KCNIP4: variants seen among roughly 807,000 people sequenced by gnomAD.
KCNIP4 encodes the protein potassium voltage-gated channel interacting protein 4, also known as Kv channel-interacting protein 4.
In KCNIP4, 12 loss-of-function variants were observed where a neutral mutation model predicts 34.0. The ratio of observed to expected loss-of-function variants is 0.35; its 90% CI spans 0.23 to 0.57. The LOEUF (loss-of-function observed/expected upper bound fraction) is 0.57. Among genes scored for constraint, KCNIP4 ranks in the 20% least tolerant of loss-of-function variants. The pLI is 0.83. For missense variants in KCNIP4, 238 were observed against 311.7 expected (o/e 0.76, Z 1.78); for synonymous variants, 124 against 102.2 (o/e 1.21, Z -1.29).
At chr4:20,909,426 C>T (rs1409210575) in intron 1 of KCNIP4, among the ~76,000 whole-genome samples, 1 of 152,094 alleles carries the variant, frequency 6.6e-6, no homozygotes, top group African/African-American at 2.4e-5. Context: ...CCCATGACCC[C>T]AGCATCTTGA....
At chr4:20,782,508 G>T (rs372397151) in intron 3 of KCNIP4, among the ~76,000 whole-genome samples, 3 of 152,058 alleles carry the variant, frequency 2.0e-5, no homozygotes, top group Non-Finnish European at 4.4e-5. Context: ...CTTGTCTTCT[G>T]TGCAGGCTCA....
chr4:21,398,961 C>T (rs1723239233), intron 1 of KCNIP4, among the ~76,000 whole-genome samples: 1 of 152,178 alleles, frequency 6.6e-6, no homozygotes, highest in Non-Finnish European at 1.5e-5. Context: ...GGAATTAATG[C>T]CTACAATGAC....
At chr4:21,472,704 G>A (rs144705097) in intron 1 of KCNIP4, among the ~76,000 whole-genome samples, 1,587 of 152,210 alleles carry the variant, frequency 0.01, 16 homozygotes, top group Middle Eastern at 0.024. Context: ...CGCAGTTCAG[G>A]TTATCGGTAA....
chr4:20,934,399 T>C lies in KCNIP4; in HGVS notation c.62-51690A>G, dbSNP rs559371441. Among the ~76,000 whole-genome samples the C allele has an allele frequency of 2.6e-5, 4 of 152,352 alleles. No individual in the cohort carries two copies. In the South Asian group the frequency reaches 8.3e-4, roughly 32 times the overall value. On this transcript the variant is annotated intron_variant, in intron 1 of 8. Coordinates refer to ENST00000382152, the MANE Select transcript of KCNIP4 (RefSeq NM_025221.6). ...CAATTTACTAGATCATTCCACATCA[T>C]GTGCCACTGGAGACTATTCTTCCTT...
At chr4:20,785,072 A>G (rs1177561908) in intron 3 of KCNIP4, among the ~76,000 whole-genome samples, 1 of 152,118 alleles carries the variant, frequency 6.6e-6, no homozygotes, top group Non-Finnish European at 1.5e-5. Flanking sequence ...AATAGAGAGG[A>G]AACACTGTTG....
At chr4:21,114,914 G>A (rs1749561750) in intron 1 of KCNIP4, among the ~76,000 whole-genome samples, 1 of 152,030 alleles carries the variant, frequency 6.6e-6, no homozygotes, top group African/African-American at 2.4e-5. Context: ...AAACACCAAT[G>A]ATTTTATATC....
intron 1 of KCNIP4, among the ~76,000 whole-genome samples, chr4:21,340,879 T>C (rs1303495824): frequency 6.6e-6 from 1 of 152,102 alleles, no homozygotes; most frequent in Non-Finnish European, 1.5e-5. Context: ...TCTATGTGCA[T>C]AGGGCAGATA....
chr4:21,860,130 T>C (rs1407130539), intron 1 of KCNIP4, among the ~76,000 whole-genome samples: 1 of 152,058 alleles, frequency 6.6e-6, no homozygotes, highest in Non-Finnish European at 1.5e-5. Flanking sequence ...TGTCAATAAT[T>C]TTTGTTTTGT....
At chr4:21,355,302 A>G (rs1420001655) in intron 1 of KCNIP4, among the ~76,000 whole-genome samples, 1 of 152,198 alleles carries the variant, frequency 6.6e-6, no homozygotes, top group Non-Finnish European at 1.5e-5. Flanking sequence ...AACTAAGATG[A>G]GAGCAGAACT....
In KCNIP4 at chr4:20,849,860, T is replaced by C. The variant is rs141795240; in HGVS notation, c.288+683A>G. ...CTTAAGGATAGAAGTGTATCTTCTC[T>C]GGCTTTTGAATAACCTGCAGCATCT... On this transcript the variant is annotated intron_variant, in intron 3 of 8. Coordinates refer to ENST00000382152, the MANE Select transcript of KCNIP4 (RefSeq NM_025221.6). Among the ~76,000 whole-genome samples the C allele has an allele frequency of 3.4e-3, 515 of 152,338 alleles. 4 individuals are homozygous for C. Among genetic ancestry groups the C allele is most frequent in the Admixed American group, 7.3e-3 (112 of 15,292 alleles).
chr4:20,981,176 T>C (rs1380673734), intron 1 of KCNIP4, among the ~76,000 whole-genome samples: 1 of 152,166 alleles, frequency 6.6e-6, no homozygotes, highest in Non-Finnish European at 1.5e-5. Flanking sequence ...GTAAGTCACA[T>C]TTGGTCAAAA....
intron 1 of KCNIP4, among the ~76,000 whole-genome samples, chr4:21,596,924 G>A (rs1446407491): frequency 6.6e-6 from 1 of 152,112 alleles, no homozygotes; most frequent in Non-Finnish European, 1.5e-5. Flanking sequence ...AGGAGATGGA[G>A]AGCCAGTGGA....
At chr4:21,166,938 CAAAAAAAAAAA>C (rs55649635) in intron 1 of KCNIP4, among the ~76,000 whole-genome samples, 190 of 37,562 alleles carry the variant, frequency 5.1e-3, no homozygotes, top group African/African-American at 0.019. Flanking sequence ...CACTCCATCT[CAAAAAAAAAAA>C]AAAAAAAAAA....
intron 1 of KCNIP4, among the ~76,000 whole-genome samples, chr4:21,123,530 C>T (rs1750349661): frequency 6.6e-6 from 1 of 152,154 alleles, no homozygotes; most frequent in African/African-American, 2.4e-5. Context: ...CCAGTTATAT[C>T]TATCACTATT....
chr4:21,216,978 A>G (rs1228685570), intron 1 of KCNIP4, among the ~76,000 whole-genome samples: 1 of 152,194 alleles, frequency 6.6e-6, no homozygotes, highest in Non-Finnish European at 1.5e-5. Context: ...TGTACTCTGA[A>G]TACCTATTGT....
intron 1 of KCNIP4, among the ~76,000 whole-genome samples, chr4:21,219,256 T>G (rs1274661948): frequency 6.6e-6 from 1 of 152,152 alleles, no homozygotes; most frequent in East Asian, 1.9e-4. Context: ...GAACATGTTC[T>G]GTCCACCACA....
At chr4:20,921,404 T>C (rs546742584) in intron 1 of KCNIP4, among the ~76,000 whole-genome samples, 9 of 152,200 alleles carry the variant, frequency 5.9e-5, no homozygotes, top group East Asian at 1.9e-4. Flanking sequence ...CTTTCAGATA[T>C]ATTTTCTGGT....
intron 1 of KCNIP4, among the ~76,000 whole-genome samples, chr4:20,947,196 T>G (rs1482482231): frequency 6.6e-6 from 1 of 152,196 alleles, no homozygotes; most frequent in African/African-American, 2.4e-5. Flanking sequence ...TGAGATGGAT[T>G]CTCACTCTGC....
intron 1 of KCNIP4, among the ~76,000 whole-genome samples, chr4:21,113,382 A>G (rs1314305054): frequency 7.1e-6 from 1 of 141,562 alleles, no homozygotes; most frequent in Non-Finnish European, 1.5e-5. Context: ...GTCACTTCTG[A>G]GTTGATTTTG....
Sources: gnomAD v4.1 joint callset for allele counts (sites outside exome capture counted in the v4.1 genomes callset) on GRCh38, gnomAD v4.1.1 for gene constraint, MANE v1.5 for transcripts, NCBI Gene and HGNC (gene_info 2026-07-23, HGNC 2026-07-21) for gene names.